The following SNX9 variants were observed in gnomAD, a reference collection of about 807,000 sequenced individuals.
The protein encoded by SNX9 is sorting nexin 9, also known as sorting nexin-9.
In SNX9, 44 loss-of-function variants were observed where a neutral mutation model predicts 89.4. The ratio of observed to expected loss-of-function variants is 0.49; its 90% CI spans 0.39 to 0.63. The LOEUF (loss-of-function observed/expected upper bound fraction) is 0.63, where lower values mean the gene tolerates loss of function less well. Among genes scored for constraint, SNX9 ranks in the 30% least tolerant of loss-of-function variants. The pLI, the probability that SNX9 is intolerant of heterozygous loss-of-function variation, is 0.00. For missense variants in SNX9, 578 were observed against 736.1 expected, an observed-to-expected ratio of 0.79 and a Z score of 2.49; for synonymous variants, 236 against 247.8, an observed-to-expected ratio of 0.95 and a Z score of 0.45.
At chr6:157,900,801 C>G (rs1346813412) in intron 5 of SNX9, among the ~76,000 whole-genome samples, 1 of 152,134 alleles carries the variant, frequency 6.6e-6, no homozygotes, top group Non-Finnish European at 1.5e-5. Context: ...CTATGATTAG[C>G]AAGATATTAA....
rs368219544 is a variant in SNX9, at chr6:157,898,233, G to A, written c.472+1235G>A. ...GCCCTTATTCACTAGTAGCAAACCT[G>A]GATTCAATTGTAGATGGTCATTAAC... On this transcript the variant is annotated intron_variant, in intron 5 of 17. Transcript: ENST00000392185. 2.8e-4 allele frequency among the ~76,000 whole-genome samples: 42 copies of A among 152,286 alleles called. No individual in the cohort carries two copies. The East Asian group carries it at 7.1e-3, about 26-fold the overall frequency.
At chr6:157,847,026 G>C (rs896155454) in intron 1 of SNX9, among the ~76,000 whole-genome samples, 1 of 152,104 alleles carries the variant, frequency 6.6e-6, no homozygotes, top group Non-Finnish European at 1.5e-5. Context: ...CTGGGCAACA[G>C]AGCAAGGCTC....
chr6:157,836,842 T>C (rs1279690263), intron 1 of SNX9, among the ~76,000 whole-genome samples: 1 of 152,074 alleles, frequency 6.6e-6, no homozygotes, highest in African/African-American at 2.4e-5. Context: ...CCGCCCACCT[T>C]GTCCTCCCAA....
intron 16 of SNX9, 72 bp downstream of exon 16, chr6:157,938,819 G>A (rs1783978571): frequency 8.9e-7 from 1 of 1,123,550 alleles, no homozygotes; most frequent in Non-Finnish European, 1.3e-6. Flanking sequence ...CCTTGATAGA[G>A]AGAAATCCAG....
intron 16 of SNX9, among the ~76,000 whole-genome samples, chr6:157,940,579 G>A (rs1429845036): frequency 1.3e-5 from 2 of 152,152 alleles, no homozygotes; most frequent in Non-Finnish European, 2.9e-5. Flanking sequence ...TGCCATGCCC[G>A]GCTAATTTTT....
intron 4 of SNX9, among the ~76,000 whole-genome samples, chr6:157,881,375 TC>T (rs1354145232): frequency 6.6e-6 from 1 of 152,114 alleles, no homozygotes; most frequent in Non-Finnish European, 1.5e-5. Context: ...TCCTTGGACC[TC>T]CCTATTCTCT....
chr6:157,910,397 A>G (rs1351159936), intron 9 of SNX9, among the ~76,000 whole-genome samples: 1 of 152,248 alleles, frequency 6.6e-6, no homozygotes, highest in Non-Finnish European at 1.5e-5. Flanking sequence ...ATAAAAATGT[A>G]TGACCCACAT....
chr6:157,854,245 G>A (rs1250972099), intron 1 of SNX9, among the ~76,000 whole-genome samples: 1 of 152,200 alleles, frequency 6.6e-6, no homozygotes, highest in Non-Finnish European at 1.5e-5. Context: ...ATTGGGAAAA[G>A]CAATAAAGCT....
chr6:157,884,479 CCTT>C (rs1339783000), intron 4 of SNX9, among the ~76,000 whole-genome samples: 6 of 152,098 alleles, frequency 3.9e-5, no homozygotes, highest in African/African-American at 1.4e-4. Context: ...TGTGCTTATA[CCTT>C]CATTAACTCA....
intron 11 of SNX9, among the ~76,000 whole-genome samples, chr6:157,927,929 TAAC>T (rs1783729733): frequency 7.3e-6 from 1 of 137,104 alleles, no homozygotes; most frequent in South Asian, 2.4e-4. Context: ...TATAGACAAG[TAAC>T]ACACACACAC....
intron 9 of SNX9, among the ~76,000 whole-genome samples, chr6:157,915,702 G>A (rs915334438): frequency 5.5e-5 from 8 of 145,922 alleles, no homozygotes; most frequent in Non-Finnish European, 9.0e-5. Flanking sequence ...GCACACACCT[G>A]TAGTCCCAGC....
rs34836632 is a variant in SNX9, at chr6:157,844,600, G to GTTTTTTTTTTTT, written c.12+21165_12+21166insTTTTTTTTTTTT. On this transcript the variant is annotated intron_variant, in intron 1 of 17. Coordinates refer to ENST00000392185, the MANE Select transcript of SNX9 (RefSeq NM_016224.5). ...TGGCTAATCCTTGTTTTTTTTTTTT[G>GTTTTTTTTTTTT]TTTTTTTTTTTGAGACAGAGTCTCA... 1.8e-4 allele frequency among the ~76,000 whole-genome samples: 24 copies of GTTTTTTTTTTTT among 131,828 alleles called. 1 individual carries two copies. The South Asian group carries it at 4.6e-3, about 25-fold the overall frequency. The allele number at this position is 131,828 out of a possible 152,430, so 86.5% of individuals were successfully genotyped here.
intron 1 of SNX9, among the ~76,000 whole-genome samples, chr6:157,837,582 G>T (rs1033447753): frequency 6.6e-6 from 1 of 151,960 alleles, no homozygotes; most frequent in Admixed American, 6.6e-5. Flanking sequence ...TTTCCTGTTT[G>T]CCCACTTAGA....
chr6:157,911,977 C>T lies in SNX9; in HGVS notation c.949+1952C>T, dbSNP rs182313767. Among the ~76,000 whole-genome samples the T allele has an allele frequency of 1.2e-3, 176 of 152,292 alleles. 1 individual carries two copies. The highest frequency in any genetic ancestry group is 0.01 in the Middle Eastern group (3 of 294). On this transcript the variant is annotated intron_variant, in intron 9 of 17. Coordinates refer to ENST00000392185, the MANE Select transcript of SNX9 (RefSeq NM_016224.5). ...TGAGTGGTCCCTCGTGGTGCTGGGG[C>T]GGTGGAGTGACAGCCAGATGGCCGT...
At chr6:157,838,708 A>T (rs1187120641) in intron 1 of SNX9, among the ~76,000 whole-genome samples, 1 of 152,238 alleles carries the variant, frequency 6.6e-6, no homozygotes, top group East Asian at 1.9e-4. Context: ...ACTTGAAGGC[A>T]TGTTTAGTTT....
At chr6:157,901,191 A>C (rs1562611012) in intron 5 of SNX9, among the ~76,000 whole-genome samples, 1 of 152,174 alleles carries the variant, frequency 6.6e-6, no homozygotes, top group Non-Finnish European at 1.5e-5. Flanking sequence ...CTGTCTTTAC[A>C]CAATCCTGCA....
At chr6:157,899,896 T>TGTGTGTGTG (rs1326083713) in intron 5 of SNX9, among the ~76,000 whole-genome samples, 2 of 151,950 alleles carry the variant, frequency 1.3e-5, no homozygotes, top group African/African-American at 4.8e-5. Flanking sequence ...TACCTAAGTG[T>TGTGTGTGTG]GTGTGTGTGC....
chr6:157,826,729 A>C lies in SNX9; in HGVS notation c.12+3283A>C, dbSNP rs1211677108. Among the ~76,000 whole-genome samples, 2 of 125,768 alleles carry C rather than the reference A, an allele frequency of 1.6e-5. 1 individual carries two copies. The highest frequency in any genetic ancestry group is 8.5e-5 in the African/African-American group (2 of 23,530). 82.5% of individuals were successfully genotyped at this position (125,768 alleles called of 152,430 possible). A position where few individuals can be genotyped will look rare whatever the true frequency, so the allele number is the denominator to read the frequency against. ...AAAGGTTATATTTCGACCCAGCCAA[A>C]ATATAACCTATTTATATTATAGGTT... On this transcript the variant is annotated intron_variant, in intron 1 of 17. Transcript: ENST00000392185.
intron 1 of SNX9, among the ~76,000 whole-genome samples, chr6:157,845,387 A>G (rs1282232793): frequency 6.6e-6 from 1 of 152,170 alleles, no homozygotes; most frequent in African/African-American, 2.4e-5. Flanking sequence ...CTGGGATTAC[A>G]GGTGCGAGCC....
Sources: allele counts gnomAD v4.1 joint callset (sites outside exome capture counted in the v4.1 genomes callset), GRCh38; gene constraint gnomAD v4.1.1; transcripts MANE v1.5; gene names NCBI Gene and HGNC (gene_info 2026-07-23, HGNC 2026-07-21).